Variants in ACSS2 observed in about 807,000 individuals in gnomAD.
The protein encoded by ACSS2 is acyl-CoA synthetase short chain family member 2.
ACSS2 carries 58 observed loss-of-function variants against 90.6 expected under a neutral mutation model. That is an observed-to-expected ratio of 0.64 (90% CI 0.52 to 0.80). The LOEUF (loss-of-function observed/expected upper bound fraction) is 0.80, where lower values mean the gene tolerates loss of function less well. Among genes scored for constraint, ACSS2 ranks in the 30% least tolerant of loss-of-function variants. The pLI is 0.00. For synonymous variants in ACSS2, 300 were observed against 330.9 expected, an observed-to-expected ratio of 0.91 and a Z score of 1.01; for missense variants, 759 against 912.0, an observed-to-expected ratio of 0.83 and a Z score of 2.16.
chr20:34,901,355 A>C (rs1184707896), intron 2 of ACSS2, among the ~76,000 whole-genome samples: 1 of 151,914 alleles, frequency 6.6e-6, no homozygotes, highest in African/African-American at 2.4e-5. Flanking sequence ...CTCGGCCCCT[A>C]AAGTGTTGGG....
intron 7 of ACSS2, among the ~76,000 whole-genome samples, chr20:34,919,006 C>T (rs2081134485): frequency 6.6e-6 from 1 of 152,078 alleles, no homozygotes; most frequent in Non-Finnish European, 1.5e-5. Flanking sequence ...ATCAAGTAGA[C>T]AACTAAACAA....
chr20:34,921,268 C>A (rs191684165), intron 10 of ACSS2, 62 bp from the exon 11 acceptor site: 47 of 1,608,680 alleles, frequency 2.9e-5, no homozygotes, highest in Non-Finnish European at 3.8e-5. Flanking sequence ...AGAGAAAAGC[C>A]TGGGTATGTG....
chr20:34,878,316 A>G (rs977650908), intron 1 of ACSS2, among the ~76,000 whole-genome samples: 1 of 152,226 alleles, frequency 6.6e-6, no homozygotes, highest in Non-Finnish European at 1.5e-5. Flanking sequence ...AATCAAATCC[A>G]GAAAAATCTA....
chr20:34,926,194 G>A lies in ACSS2; in HGVS notation c.1816G>A (p.Val606Met), dbSNP rs1345479489. The change falls in exon 16 of 18, where the codon GTG becomes ATG. Residue 606 changes from valine to methionine, a missense_variant. By Grantham distance (21) the Val-to-Met change is conservative. Coordinates refer to ENST00000360596, the MANE Select transcript of ACSS2 (RefSeq NM_018677.4). ...EAAVVGHPHP[V>M]KGECLYCFVT... Reference sequence around the variant, plus strand: ...AGCTGTGGTGGGCCACCCTCATCCTGTGAAGGGTGAATGCCTCTACTGCTT... The same window carrying A: ...AGCTGTGGTGGGCCACCCTCATCCTATGAAGGGTGAATGCCTCTACTGCTT... 6.2e-7 allele frequency: 1 copy of A among 1,614,224 alleles called. No homozygotes were observed. The highest frequency in any genetic ancestry group is 1.1e-5 in the South Asian group (1 of 91,082).
At position 34,927,083 on chromosome 20, in the gene ACSS2, C is replaced by G. The variant is rs763377346; in HGVS notation, c.1979-4C>G. On this transcript the variant is annotated splice_region_variant and splice_polypyrimidine_tract_variant and intron_variant, in intron 17 of 17. Transcript: ENST00000360596. This position sits in a 1 kb window ranked among gnomAD's most constrained non-coding sequence, Gnocchi z 4.2. The stretch of plus-strand genomic sequence containing the variant: ...CAAGTAACTAGAGGTCTGTGGTTCC[C>G]CAGGGAAAATCATGAGGCGAGTGCT... The G allele has an allele frequency of 4.3e-6, 7 of 1,613,884 alleles. No individual in the cohort carries two copies. The East Asian group carries it at 1.6e-4, about 36-fold the overall frequency.
intron 8 of ACSS2, 131 bp downstream of exon 8, chr20:34,919,703 T>A: frequency 1.5e-6 from 2 of 1,316,814 alleles, no homozygotes; most frequent in Non-Finnish European, 2.1e-6. Context: ...TTTGGAAATG[T>A]AGCATTGTCT....
In ACSS2 at chr20:34,882,797, T is replaced by G; in HGVS notation, c.182T>G (p.Phe61Cys). Residue 61 changes from phenylalanine (F) to cysteine (C), a missense_variant, in exon 2 of 18, where the codon TTC (phenylalanine) becomes TGC (cysteine). By Grantham distance (205) the Phe-to-Cys change is radical. Transcript: ENST00000360596. ...HRRSVEEPREFWGDIAKEFYW... is the reference protein window; with the variant it reads ...HRRSVEEPRECWGDIAKEFYW... ...TGGGCTTCCATTTCTGTTGCAGAAT[T>G]CTGGGGAGACATTGCCAAGGAATTT... 6.2e-7 allele frequency: 1 copy of G among 1,612,004 alleles called. No homozygotes were observed. Among genetic ancestry groups the G allele is most frequent in the South Asian group, 1.1e-5 (1 of 90,310 alleles).
At chr20:34,876,476 C>A, upstream of ACSS2, 1 of 687,316 alleles carries the variant, frequency 1.5e-6, no homozygotes, top group Non-Finnish European at 2.1e-6. Context: ...CCTCCCCAAC[C>A]AGACACGGCC....
Position 34,923,350 on chromosome 20 carries a change from A to G in ACSS2, c.1576A>G (p.Met526Val). The G allele has an allele frequency of 6.2e-7, 1 of 1,614,168 alleles. No homozygotes were observed. The highest frequency in any genetic ancestry group is 8.5e-7 in the Non-Finnish European group (1 of 1,180,016). The change falls in exon 14 of 18, where the codon ATG becomes GTG. Residue 526 changes from methionine to valine, a missense_variant. Met to Val is a conservative substitution (Grantham distance 21). Transcript: ENST00000360596. ...LVFKQPWPGI[M>V]RTVYGNHERF... Reference sequence around the variant, plus strand: ...GTTCAAGCAGCCCTGGCCAGGGATCATGCGCACAGTCTATGGGAACCACGA... The same window carrying G: ...GTTCAAGCAGCCCTGGCCAGGGATCGTGCGCACAGTCTATGGGAACCACGA...
At chr20:34,919,332 C>A in intron 7 of ACSS2, 103 bp from the exon 8 acceptor site, 1 of 1,542,824 alleles carries the variant, frequency 6.5e-7, no homozygotes, top group Admixed American at 1.8e-5. Flanking sequence ...CCTTCCTGTA[C>A]TCCTACCTGC....
chr20:34,897,258 C>T (rs2080486936), intron 2 of ACSS2, among the ~76,000 whole-genome samples: 1 of 152,036 alleles, frequency 6.6e-6, no homozygotes, highest in Non-Finnish European at 1.5e-5. Context: ...GTATACAATT[C>T]ATATTTTTAA....
At chr20:34,902,361 G>C (rs547063862) in intron 2 of ACSS2, among the ~76,000 whole-genome samples, 64 of 152,198 alleles carry the variant, frequency 4.2e-4, no homozygotes, top group Non-Finnish European at 8.1e-4. Flanking sequence ...AAGAAGTATA[G>C]TTTGAGAAAA....
In ACSS2 at chr20:34,914,342, T is replaced by C; in HGVS notation, c.739T>C (p.Cys247Arg). The change falls in exon 7 of 18, where the codon TGC (cysteine) becomes CGC (arginine). Residue 247 changes from cysteine to arginine, a missense_variant. Coordinates refer to ENST00000360596, the MANE Select transcript of ACSS2 (RefSeq NM_018677.4). ...CQEKGFPVRC[C>R]IVVKHLGRAE... Reference sequence around the variant, plus strand: ...CTCCAGGGGTTTCCCAGTAAGATGCTGCATTGTGGTCAAGCACCTGGGGCG... The same window carrying C: ...CTCCAGGGGTTTCCCAGTAAGATGCCGCATTGTGGTCAAGCACCTGGGGCG... 6.2e-7 allele frequency: 1 copy of C among 1,613,582 alleles called. No individual in the cohort carries two copies. The highest frequency in any genetic ancestry group is 8.5e-7 in the Non-Finnish European group (1 of 1,179,748).
chr20:34,913,698 T>A, intron 4 of ACSS2, 55 bp from the exon 5 acceptor site: 1 of 1,539,950 alleles, frequency 6.5e-7, no homozygotes, highest in Non-Finnish European at 9.0e-7. Context: ...CCTTTCTTCA[T>A]TCACTCAATC....
chr20:34,892,983 A>G (rs951251121), intron 2 of ACSS2, among the ~76,000 whole-genome samples: 1 of 152,114 alleles, frequency 6.6e-6, no homozygotes. Flanking sequence ...TCTCCCCTGG[A>G]TATACTTTAG....
chr20:34,888,296 T>G (rs2080248942), intron 2 of ACSS2, among the ~76,000 whole-genome samples: 2 of 152,152 alleles, frequency 1.3e-5, no homozygotes. Flanking sequence ...GAGCCTCAGT[T>G]TTCTCAACTG....
intron 3 of ACSS2, 67 bp downstream of exon 3, chr20:34,913,254 T>A (rs1038140611): frequency 2.5e-6 from 4 of 1,572,154 alleles, no homozygotes; most frequent in Non-Finnish European, 3.5e-6. Context: ...CTGAGACTTA[T>A]GGGGAGAGGG....
At chr20:34,887,004 C>T (rs1480366597) in intron 2 of ACSS2, among the ~76,000 whole-genome samples, 2 of 152,236 alleles carry the variant, frequency 1.3e-5, no homozygotes, top group Admixed American at 6.5e-5. Context: ...TAGGAAAGTA[C>T]TCCCATTATC....
intron 2 of ACSS2, among the ~76,000 whole-genome samples, chr20:34,902,968 A>G (rs1325023158): frequency 6.6e-6 from 1 of 150,912 alleles, no homozygotes; most frequent in Admixed American, 6.6e-5. Context: ...CTTGGGCTCA[A>G]GCAATCCTCC....
Sources: gnomAD v4.1 joint callset for allele counts (sites outside exome capture counted in the v4.1 genomes callset) on GRCh38, gnomAD v4.1.1 for gene constraint, Gnocchi (gnomAD v3.1) non-coding constraint, MANE v1.5 for transcripts, NCBI Gene and HGNC (gene_info 2026-07-23, HGNC 2026-07-21) for gene names.